The following SYCP3 variants were observed in gnomAD, a reference collection of about 807,000 sequenced individuals.
SYCP3 encodes synaptonemal complex protein 3.
Under a neutral mutation model 38.5 loss-of-function variants are expected in SYCP3, and 29 were observed. That is an observed-to-expected ratio of 0.75 (90% confidence interval 0.56 to 1.03). SYCP3 has a LOEUF of 1.03. Ranked by LOEUF, SYCP3 falls within the 50% of genes least tolerant of loss-of-function variation. The probability of loss-of-function intolerance (pLI) is 0.00; values close to 1 mark genes in which losing one functional copy is unlikely to be tolerated. For missense variants in SYCP3, 242 were observed against 270.7 expected, an observed-to-expected ratio of 0.89 and a Z score of 0.74; for synonymous variants, 79 against 80.3, an observed-to-expected ratio of 0.98 and a Z score of 0.08.
chr12:101,737,691 G>A (rs1305745993), intron 2 of SYCP3, 112 bp downstream of exon 2: 22 of 1,454,686 alleles, frequency 1.5e-5, no homozygotes, highest in Non-Finnish European at 2.1e-5. Context: ...AATACCGGGG[G>A]AGGGAAGACC....
chr12:101,736,706 ATATGTGTGTGTGTGTGTG>A (rs991145877), intron 4 of SYCP3, among the ~76,000 whole-genome samples: 1 of 102,032 alleles, frequency 9.8e-6, no homozygotes, highest in African/African-American at 5.1e-5. Context: ...GTATGTATGT[ATATGTGTGTGTGTGTGTG>A]TGTGTGTGTG....
chr12:101,737,423 C>T (rs1289710238), intron 2 of SYCP3, 125 bp from the exon 3 acceptor site: 6 of 922,804 alleles, frequency 6.5e-6, no homozygotes, highest in Middle Eastern at 6.6e-4. Context: ...AGTTTCAAAG[C>T]AGACATAAAA....
intron 4 of SYCP3, 115 bp from the exon 5 acceptor site, chr12:101,735,159 CTT>C: frequency 1.5e-6 from 1 of 664,932 alleles, no homozygotes; most frequent in Non-Finnish European, 2.6e-6. Flanking sequence ...GACATTTAAA[CTT>C]AAATTTAGAA....
chr12:101,731,569 T>C lies in SYCP3; in HGVS notation c.551A>G (p.Lys184Arg). The C allele has an allele frequency of 6.3e-7, 1 of 1,598,284 alleles. No individual in the cohort carries two copies. The highest frequency in any genetic ancestry group is 1.3e-5 in the African/African-American group (1 of 74,718). ...TIKQLYEQFI[K>R]SMEELEKNHD... ...ATTGTGTTACCACATACAACAAACC[T>C]TTATGAACTGCTCATATAACTGTTT... Residue 184 changes from lysine (K) to arginine (R), a missense_variant and splice_region_variant, in exon 7 of 9, where the codon AAG becomes AGG. By Grantham distance (26) the Lys-to-Arg change is conservative. Transcript: ENST00000392924.
At chr12:101,731,957 C>T (rs772406324) in intron 6 of SYCP3, 41 of 259,364 alleles carry the variant, frequency 1.6e-4, no homozygotes, top group Non-Finnish European at 2.6e-4. Context: ...AATGGTTTTC[C>T]GTTTCGTGAC....
intron 5 of SYCP3, 61 bp downstream of exon 5, chr12:101,734,866 A>T (rs1952342130): frequency 8.8e-7 from 1 of 1,139,198 alleles, no homozygotes; most frequent in South Asian, 1.2e-5. Context: ...TATTTTTCAT[A>T]AGTAATTTAT....
rs552079825 is a variant in SYCP3, at chr12:101,728,701, T to A, written c.*226A>T. ...CAGTGTTAGAGAGAAAAATTCACTATCATTACTAAAGAGCTGAAAGCTTAA... is the reference window on the plus strand; with the variant it reads ...CAGTGTTAGAGAGAAAAATTCACTAACATTACTAAAGAGCTGAAAGCTTAA... On this transcript the variant is annotated 3_prime_UTR_variant, in exon 9 of 9. Transcript: ENST00000392924. 5.9e-5 allele frequency: 33 copies of A among 560,540 alleles called. 1 individual carries two copies. The South Asian group carries it at 8.1e-4, about 14-fold the overall frequency. The allele number at this position is 560,540 out of a possible 1,614,324, so 34.7% of individuals were successfully genotyped here.
intron 7 of SYCP3, among the ~76,000 whole-genome samples, chr12:101,730,860 T>C (rs1952160720): frequency 6.6e-6 from 1 of 152,196 alleles, no homozygotes; most frequent in South Asian, 2.1e-4. Context: ...CCAATTCCTT[T>C]AATGTTATTT....
At chr12:101,738,004 T>A in intron 1 of SYCP3, 52 bp from the exon 2 acceptor site, 1 of 1,591,992 alleles carries the variant, frequency 6.3e-7, no homozygotes, top group Non-Finnish European at 8.6e-7. Context: ...ATCATTTTAA[T>A]ACACTGGTAA....
At chr12:101,729,350 T>A in intron 7 of SYCP3, 137 bp from the exon 8 acceptor site, 2 of 871,070 alleles carry the variant, frequency 2.3e-6, no homozygotes, top group Non-Finnish European at 3.5e-6. Context: ...ATATTCTAAG[T>A]AATACATGAA....
rs199546634 is a variant in SYCP3, at chr12:101,731,676, T to A, written c.454-10A>T. 1.3e-6 allele frequency: 2 copies of A among 1,510,732 alleles called. No homozygotes were observed. The highest frequency in any genetic ancestry group is 1.4e-5 in the African/African-American group (1 of 73,010). The allele number at this position is 1,510,732 out of a possible 1,614,324, so 93.6% of individuals were successfully genotyped here. On this transcript the variant is annotated splice_polypyrimidine_tract_variant and intron_variant, in intron 6 of 8. Transcript: ENST00000392924. ...GCTGTCGAAACATATTCTACAAATA[T>A]AAAAGAAAAAAAACTGTGTAATAAC...
intron 7 of SYCP3, 95 bp downstream of exon 7, chr12:101,731,468 CTAAAA>C (rs1952186938): frequency 1.4e-6 from 1 of 730,508 alleles, no homozygotes; most frequent in Non-Finnish European, 2.0e-6. Context: ...TAGTTAAAGT[CTAAAA>C]TGTTTTTTCC....
chr12:101,734,044 T>C (rs1218813792), intron 5 of SYCP3, among the ~76,000 whole-genome samples: 4 of 152,218 alleles, frequency 2.6e-5, no homozygotes, highest in Non-Finnish European at 5.9e-5. Context: ...GTATTTATCC[T>C]ATAAGATTTC....
rs1374039781 is a variant in SYCP3, at chr12:101,728,768, T to C, written c.*159A>G. 2.0e-6 allele frequency: 2 copies of C among 1,001,482 alleles called. No individual in the cohort carries two copies. Among genetic ancestry groups the C allele is most frequent in the Non-Finnish European group, 2.9e-6 (2 of 681,256 alleles). 62.0% of individuals were successfully genotyped at this position (1,001,482 alleles called of 1,614,324 possible). A position where few individuals can be genotyped will look rare whatever the true frequency, so the allele number is the denominator to read the frequency against. On this transcript the variant is annotated 3_prime_UTR_variant, in exon 9 of 9. Transcript: ENST00000392924. Reference sequence around the variant, plus strand: ...ATAGTTGCTAACTAACTCATAACTATTTAGATTTGACTTAACAGAAAGGGA... The same window carrying C: ...ATAGTTGCTAACTAACTCATAACTACTTAGATTTGACTTAACAGAAAGGGA...
chr12:101,728,826 A>C lies in SYCP3; in HGVS notation c.*101T>G. 6.5e-7 allele frequency: 1 copy of C among 1,535,604 alleles called. No homozygotes were observed. The highest frequency in any genetic ancestry group is 8.9e-7 in the Non-Finnish European group (1 of 1,117,880). The stretch of plus-strand genomic sequence containing the variant: ...CAATGAAACAGGTTTATGATTAAAG[A>C]TGTTACAATTAAACTATTCTAAAGA... On this transcript the variant is annotated 3_prime_UTR_variant, in exon 9 of 9. Coordinates refer to ENST00000392924, the MANE Select transcript of SYCP3 (RefSeq NM_001177949.2).
chr12:101,736,736 G>GTGTA (rs1288894683), intron 4 of SYCP3, among the ~76,000 whole-genome samples: 1 of 142,108 alleles, frequency 7.0e-6, no homozygotes, highest in Non-Finnish European at 1.5e-5. Context: ...GTGTGTGTGT[G>GTGTA]TGTGTATCAC....
intron 6 of SYCP3, chr12:101,732,077 T>C (rs1952213270): frequency 6.1e-6 from 1 of 163,110 alleles, no homozygotes; most frequent in African/African-American, 2.4e-5. Context: ...GTATTAGTAA[T>C]GGTAAACTTT....
At chr12:101,732,456 G>A (rs569742884) in intron 6 of SYCP3, 1 of 152,058 alleles carries the variant, frequency 6.6e-6, no homozygotes, top group Admixed American at 6.6e-5. Context: ...ATCCTGGGGG[G>A]ACCAGTTCCA....
chr12:101,728,919 AAGAGTCATC>A lies in SYCP3; in HGVS notation c.710_*7del. On this transcript the variant is annotated stop_lost and 3_prime_UTR_variant, in exon 9 of 9. Transcript: ENST00000392924. ...TACTTAGGTTCAAGTTCTTTCTTCA[AAGAGTCATC>A]AGAATAACATGGATTGAAGAGACTT... 6.2e-7 allele frequency: 1 copy of A among 1,613,474 alleles called. No homozygotes were observed. Among genetic ancestry groups the A allele is most frequent in the Non-Finnish European group, 8.5e-7 (1 of 1,179,652 alleles).
Sources: gnomAD v4.1 joint callset for allele counts (sites outside exome capture counted in the v4.1 genomes callset) on GRCh38, gnomAD v4.1.1 for gene constraint, MANE v1.5 for transcripts, NCBI Gene and HGNC (gene_info 2026-07-23, HGNC 2026-07-21) for gene names.